Variants in ABCC6 observed in about 807,000 individuals in gnomAD.
The protein encoded by ABCC6 is ATP-binding cassette sub-family C member 6.
In ABCC6, 126 loss-of-function variants were observed where a neutral mutation model predicts 169.5. The ratio of observed to expected loss-of-function variants is 0.74; its 90% CI spans 0.64 to 0.86. The LOEUF is 0.86. Among genes scored for constraint, ABCC6 ranks in the 40% least tolerant of loss-of-function variants. The pLI is 0.00. For synonymous variants in ABCC6, 752 were observed against 814.7 expected, an observed-to-expected ratio of 0.92 and a Z score of 1.31; for missense variants, 1,733 against 1,927.2, an observed-to-expected ratio of 0.90 and a Z score of 1.89.
chr16:16,175,816 G>C, intron 20 of ABCC6, 95 bp downstream of exon 20: 1 of 1,389,882 alleles, frequency 7.2e-7, no homozygotes, highest in Non-Finnish European at 1.0e-6. Flanking sequence ...TAATGGTTTT[G>C]GTTGCCCGCC....
intron 4 of ABCC6, among the ~76,000 whole-genome samples, chr16:16,218,264 T>C (rs1284556645): frequency 3.9e-5 from 5 of 129,508 alleles, no homozygotes; most frequent in Non-Finnish European, 6.5e-5. Flanking sequence ...GTCAGAGAAT[T>C]GCTCGAGCCG....
At chr16:16,221,511 A>T in intron 2 of ABCC6, 138 bp downstream of exon 2, 3 of 1,492,760 alleles carry the variant, frequency 2.0e-6, no homozygotes, top group Non-Finnish European at 2.7e-6. Flanking sequence ...AGCCTTTCTA[A>T]TATTGCTCTG....
At chr16:16,156,301 G>C (rs1045062341) in intron 27 of ABCC6, among the ~76,000 whole-genome samples, 5 of 152,228 alleles carry the variant, frequency 3.3e-5, no homozygotes, top group Admixed American at 2.6e-4. Flanking sequence ...GGATTTGACA[G>C]AGGTAATAAG....
chr16:16,183,371 C>G (rs2047544232), intron 15 of ABCC6, among the ~76,000 whole-genome samples: 1 of 152,068 alleles, frequency 6.6e-6, no homozygotes, highest in Non-Finnish European at 1.5e-5. Flanking sequence ...TAGGCTCTTT[C>G]CTCCCTCCCT....
chr16:16,168,347 A>G (rs898541936), intron 22 of ABCC6, among the ~76,000 whole-genome samples: 9 of 9,230 alleles, frequency 9.8e-4, no homozygotes, highest in Non-Finnish European at 4.6e-3. Flanking sequence ...ATTAGCCAGC[A>G]TGGTGGCATG....
At position 16,188,836 on chromosome 16, in the gene ABCC6, C is replaced by G. The variant is rs190761354; in HGVS notation, c.1774G>C (p.Val592Leu). The G allele has an allele frequency of 5.6e-6, 9 of 1,613,656 alleles. No homozygotes were observed. Among genetic ancestry groups the G allele is most frequent in the South Asian group, 3.3e-5 (3 of 90,970 alleles). ...AGCCCTTGCACCCACCTCACCTGGA[C>G]GAGGGAGTGGATGGAGAAGGGCAGG... Reference protein sequence around the residue: ...AFLPFSIHSLVQARVSFDRLV... With the variant: ...AFLPFSIHSLLQARVSFDRLV... The change falls in exon 13 of 31, where the codon GTC becomes CTC. Residue 592 changes from valine to leucine, a missense_variant. Transcript: ENST00000205557.
At position 16,178,953 on chromosome 16, in the gene ABCC6, A is replaced by T; in HGVS notation, c.2260T>A (p.Ser754Thr). ...CTCAGCCGCTGCTTCTGGCCTCCGG[A>T]GAGATTCATGCCCTGTGGCCACAAA... ...TSIGEQGMNL[S>T]GGQKQRLSLA... Residue 754 changes from serine (S) to threonine (T), a missense_variant, in exon 18 of 31, where the codon TCC (serine) becomes ACC (threonine). By Grantham distance (58) the Ser-to-Thr change is moderately conservative. Coordinates refer to ENST00000205557, the MANE Select transcript of ABCC6 (RefSeq NM_001171.6). 7.4e-6 allele frequency: 12 copies of T among 1,612,782 alleles called. No individual in the cohort carries two copies. Among genetic ancestry groups the T allele is most frequent in the Non-Finnish European group, 1.0e-5 (12 of 1,180,000 alleles).
intron 23 of ABCC6, among the ~76,000 whole-genome samples, chr16:16,163,909 T>C (rs552400617): frequency 6.6e-6 from 1 of 152,298 alleles, no homozygotes; most frequent in South Asian, 2.1e-4. Context: ...CAGTAAGTGA[T>C]AGAGCCTGGA....
chr16:16,170,351 C>T (rs1019334202), intron 21 of ABCC6, among the ~76,000 whole-genome samples: 3 of 152,096 alleles, frequency 2.0e-5, no homozygotes, highest in South Asian at 2.1e-4. Flanking sequence ...CCTCCCTCCT[C>T]GGCCTTCCAA....
chr16:16,196,818 C>T (rs1345231173), intron 10 of ABCC6, among the ~76,000 whole-genome samples: 2 of 152,190 alleles, frequency 1.3e-5, no homozygotes, highest in Non-Finnish European at 2.9e-5. Flanking sequence ...TCTCCTGCCT[C>T]AGCCTCCTGA....
intron 26 of ABCC6, among the ~76,000 whole-genome samples, chr16:16,158,367 C>T (rs2239328): frequency 0.27 from 41,590 of 151,770 alleles, 5,940 homozygotes; most frequent in Admixed American, 0.32. Flanking sequence ...TTTCTTCCAC[C>T]CAATCCCATC....
intron 9 of ABCC6, among the ~76,000 whole-genome samples, chr16:16,198,827 C>G (rs947916677): frequency 6.6e-6 from 1 of 151,682 alleles, no homozygotes; most frequent in Admixed American, 6.6e-5. Flanking sequence ...AACCCTGTCT[C>G]TACCAAAAAT....
chr16:16,170,419 C>T (rs140585325), intron 21 of ABCC6, among the ~76,000 whole-genome samples: 1 of 152,128 alleles, frequency 6.6e-6, no homozygotes, highest in East Asian at 1.9e-4. Flanking sequence ...TTCTTGAACA[C>T]CCACCATAGG....
At chr16:16,179,883 GC>G (rs1259902026) in intron 17 of ABCC6, among the ~76,000 whole-genome samples, 2 of 152,116 alleles carry the variant, frequency 1.3e-5, no homozygotes, top group Non-Finnish European at 2.9e-5. Flanking sequence ...GAGCCACTGC[GC>G]CCGGCCTACT....
At chr16:16,184,499 C>T (rs941727636) in intron 15 of ABCC6, among the ~76,000 whole-genome samples, 1 of 152,148 alleles carries the variant, frequency 6.6e-6, no homozygotes, top group Non-Finnish European at 1.5e-5. Context: ...GGGCATATTC[C>T]TTCTCTTCTT....
rs1389789583 is a variant in ABCC6 at position 16,208,787 on chromosome 16, T to C, written c.735A>G (p.Ser245=). The change falls in exon 7 of 31, where the codon TCA becomes TCG. Residue 245 remains serine, a synonymous_variant. Coordinates refer to ENST00000205557, the MANE Select transcript of ABCC6 (RefSeq NM_001171.6). ...TTTCAAGCCGGGAAACAAGTTCTTC[T>C]GAGGAGTTTTCTCTCCCAAGCGACC... ...DLWSLGRENS[S]EELVSRLEKE... 2.6e-5 allele frequency: 42 copies of C among 1,613,566 alleles called. No individual in the cohort carries two copies. Among genetic ancestry groups the C allele is most frequent in the Non-Finnish European group, 3.5e-5 (41 of 1,179,752 alleles).
At chr16:16,175,314 G>T (rs1262478050) in intron 20 of ABCC6, among the ~76,000 whole-genome samples, 1 of 152,148 alleles carries the variant, frequency 6.6e-6, no homozygotes, top group Non-Finnish European at 1.5e-5. Flanking sequence ...AGGCCATCTG[G>T]TATCAGTGGC....
chr16:16,221,455 A>G, intron 2 of ABCC6, 194 bp downstream of exon 2: 1 of 1,447,994 alleles, frequency 6.9e-7, no homozygotes, highest in East Asian at 2.5e-5. Flanking sequence ...TTTCGGAATT[A>G]CAAAATCTGT....
Position 16,190,362 on chromosome 16 carries a change from C to T in ABCC6, c.1437G>A (p.Glu479=). ...ISKKRNHHQE[E]QMRQKDSRAR... is the part of the protein sequence containing the mutation. ...CCCGTGAGTCCTTCTGCCTCATTTG[C>T]TCCTCCTGGGATCGGAGGGAAAAAG... The change falls in exon 12 of 31, where the codon GAG becomes GAA. Residue 479 remains glutamate, a synonymous_variant. Transcript: ENST00000205557. 4 of 1,614,140 alleles carry T rather than the reference C, an allele frequency of 2.5e-6. No individual in the cohort carries two copies. The highest frequency in any genetic ancestry group is 3.4e-6 in the Non-Finnish European group (4 of 1,180,034).
Sources: gnomAD v4.1 joint callset for allele counts (sites outside exome capture counted in the v4.1 genomes callset) on GRCh38, gnomAD v4.1.1 for gene constraint, MANE v1.5 for transcripts, NCBI Gene and HGNC (gene_info 2026-07-23, HGNC 2026-07-21) for gene names.